Variants in SKIC3 observed in about 807,000 individuals in gnomAD.
The protein encoded by SKIC3 is SKI3 subunit of superkiller complex.
At chr5:95,532,305 A>G in the SKIC3 span, among the ~76,000 whole-genome samples, 1 of 152,166 alleles carries the variant, frequency 6.6e-6, no homozygotes, top group Non-Finnish European at 1.5e-5. Flanking sequence ...AACAAGGTAA[A>G]CCTTCCTAAC....
At chr5:95,542,808 T>C in the SKIC3 span, among the ~76,000 whole-genome samples, 1 of 152,344 alleles carries the variant, frequency 6.6e-6, no homozygotes, top group Middle Eastern at 3.4e-3. Flanking sequence ...CACTCAAAGA[T>C]AGAAACATTA....
chr5:95,542,305 A>G, the SKIC3 span, among the ~76,000 whole-genome samples: 1 of 152,136 alleles, frequency 6.6e-6, no homozygotes, highest in East Asian at 1.9e-4. Context: ...TTGACATATA[A>G]AAATTGTATG....
At chr5:95,548,149 A>G in the SKIC3 span, among the ~76,000 whole-genome samples, 2 of 152,054 alleles carry the variant, frequency 1.3e-5, no homozygotes, top group Non-Finnish European at 2.9e-5. Context: ...TGTTGAAAAA[A>G]AGAAATATTT....
At chr5:95,475,002 T>C in the SKIC3 span, among the ~76,000 whole-genome samples, 1 of 152,244 alleles carries the variant, frequency 6.6e-6, no homozygotes, top group Non-Finnish European at 1.5e-5. Flanking sequence ...ATTTCAGCTC[T>C]TGGATTATTT....
chr5:95,486,031 A>G, the SKIC3 span, among the ~76,000 whole-genome samples: 1 of 152,162 alleles, frequency 6.6e-6, no homozygotes, highest in Non-Finnish European at 1.5e-5. Context: ...TAGCCATAAG[A>G]CAACCTCGTG....
At chr5:95,495,988 C>A in the SKIC3 span, among the ~76,000 whole-genome samples, 3 of 151,388 alleles carry the variant, frequency 2.0e-5, no homozygotes, top group Non-Finnish European at 2.9e-5. Context: ...GAAGCCGCTT[C>A]TGCCATTTGC....
the SKIC3 span, among the ~76,000 whole-genome samples, chr5:95,495,634 G>A: frequency 1.3e-5 from 2 of 152,120 alleles, no homozygotes; most frequent in African/African-American, 4.8e-5. Flanking sequence ...AGTAACAATG[G>A]TCTTCCAGGT....
the SKIC3 span, among the ~76,000 whole-genome samples, chr5:95,519,520 T>C: frequency 0.23 from 34,902 of 151,790 alleles, 5,062 homozygotes; most frequent in African/African-American, 0.41. Context: ...TGCCTAAATA[T>C]CTTAGCAAAA....
At chr5:95,531,159 T>C in the SKIC3 span, among the ~76,000 whole-genome samples, 29 of 152,264 alleles carry the variant, frequency 1.9e-4, no homozygotes, top group East Asian at 5.2e-3. Flanking sequence ...ATGTCAAAGG[T>C]AAATTATTTG....
chr5:95,472,806 T>C, the SKIC3 span, among the ~76,000 whole-genome samples: 1 of 152,332 alleles, frequency 6.6e-6, no homozygotes, highest in East Asian at 1.9e-4. Context: ...CCCATGTTTA[T>C]GTTCACGTGT....
chr5:95,472,207 T>C, the SKIC3 span, among the ~76,000 whole-genome samples: 1 of 152,214 alleles, frequency 6.6e-6, no homozygotes, highest in African/African-American at 2.4e-5. Context: ...TGCTCATTTC[T>C]GGATCTAACA....
chr5:95,479,976 T>C, the SKIC3 span, among the ~76,000 whole-genome samples: 2 of 152,122 alleles, frequency 1.3e-5, no homozygotes. Context: ...AGCTGATTTA[T>C]GACAAAGGCA....
At chr5:95,491,099 C>T in the SKIC3 span, 2 of 1,596,866 alleles carry the variant, frequency 1.3e-6, no homozygotes, top group African/African-American at 2.7e-5. Context: ...TAAAAACTAT[C>T]AAAAATGAGA....
At chr5:95,500,173 T>C in the SKIC3 span, among the ~76,000 whole-genome samples, 1 of 152,208 alleles carries the variant, frequency 6.6e-6, no homozygotes, top group African/African-American at 2.4e-5. Context: ...TTCTAGATCA[T>C]TGCTAGGCTA....
chr5:95,509,623 C>T, the SKIC3 span: 2 of 1,613,784 alleles, frequency 1.2e-6, no homozygotes, highest in Non-Finnish European at 1.7e-6. Flanking sequence ...CTTCCTTTTT[C>T]AGTTGTAGAT....
chr5:95,536,889 C>T, the SKIC3 span: 4 of 1,613,596 alleles, frequency 2.5e-6, no homozygotes, highest in Non-Finnish European at 2.5e-6. Context: ...ATCATTCCTT[C>T]ACAGGCCTTC....
the SKIC3 span, among the ~76,000 whole-genome samples, chr5:95,475,474 C>T: frequency 3.0e-3 from 453 of 152,288 alleles, 1 homozygote; most frequent in Non-Finnish European, 4.6e-3. Flanking sequence ...GACGTGCCTG[C>T]TTCCCCTTTG....
chr5:95,474,547 A>G, the SKIC3 span, among the ~76,000 whole-genome samples: 1 of 152,156 alleles, frequency 6.6e-6, no homozygotes, highest in African/African-American at 2.4e-5. Flanking sequence ...AGCTGCCTTT[A>G]AGACTTCTTC....
chr5:95,534,116 C>A, the SKIC3 span, among the ~76,000 whole-genome samples: 1 of 150,398 alleles, frequency 6.6e-6, no homozygotes, highest in Non-Finnish European at 1.5e-5. Flanking sequence ...AGGGGCCATA[C>A]AATAAAGAAA....
Sources: gnomAD v4.1 joint callset for allele counts (sites outside exome capture counted in the v4.1 genomes callset) on GRCh38, gnomAD v4.1.1 for gene constraint, MANE v1.5 for transcripts, NCBI Gene and HGNC (gene_info 2026-07-23, HGNC 2026-07-21) for gene names.